Variants in GAS7 observed in about 807,000 individuals in gnomAD.
The protein encoded by GAS7 is growth arrest-specific protein 7.
In GAS7, 28 loss-of-function variants were observed where a neutral mutation model predicts 71.1. That is an observed-to-expected ratio of 0.39 (90% CI 0.29 to 0.54). The LOEUF (loss-of-function observed/expected upper bound fraction) is 0.54. Among genes scored for constraint, GAS7 ranks in the 20% least tolerant of loss-of-function variants. The pLI is 0.62. For synonymous variants in GAS7, 258 were observed against 245.8 expected, an observed-to-expected ratio of 1.05 and a Z score of -0.46; for missense variants, 436 against 627.8, an observed-to-expected ratio of 0.69 and a Z score of 3.27.
intron 5 of GAS7, among the ~76,000 whole-genome samples, chr17:9,947,433 G>A (rs2152099271): frequency 6.6e-6 from 1 of 152,312 alleles, no homozygotes. Context: ...AGGACATGGT[G>A]ATGAAGTTCT....
In GAS7 at chr17:10,194,858, C is replaced by CAAA. The variant is rs5819269; in HGVS notation, c.183+3347_183+3349dup. Among the ~76,000 whole-genome samples the CAAA allele has an allele frequency of 6.6e-3, 563 of 84,948 alleles. 12 individuals are homozygous for CAAA. Among genetic ancestry groups the CAAA allele is most frequent in the African/African-American group, 0.018 (454 of 25,616 alleles). The allele number at this position is 84,948 out of a possible 152,430, so 55.7% of individuals were successfully genotyped here. A position where few individuals can be genotyped will look rare whatever the true frequency, so the allele number is the denominator to read the frequency against. Reference sequence around the variant, plus strand: ...TGAGCAACAGTGCGAGACTCTGTCTCAAAAAAAAAAAAAAAAAAAAAAAAA... The same window carrying CAAA: ...TGAGCAACAGTGCGAGACTCTGTCTCAAAAAAAAAAAAAAAAAAAAAAAAAAAA... On this transcript the variant is annotated intron_variant, in intron 1 of 13. Coordinates refer to ENST00000432992, the MANE Select transcript of GAS7 (RefSeq NM_201433.2).
chr17:10,036,589 G>A lies in GAS7; in HGVS notation c.184-16692C>T, dbSNP rs912190844. The stretch of plus-strand genomic sequence containing the variant: ...GGGCTGAGGCAAGTCGCTAGCCCAG[G>A]GCCAGTGTTCTGGGCACCCCAGCGG... On this transcript the variant is annotated intron_variant, in intron 1 of 13. Transcript: ENST00000432992. The A allele has an allele frequency of 1.7e-5, 25 of 1,501,722 alleles. No homozygotes were observed. The East Asian group carries it at 6.0e-4, about 36-fold the overall frequency. The allele number at this position is 1,501,722 out of a possible 1,614,324, so 93.0% of individuals were successfully genotyped here.
chr17:9,926,743 CA>C lies in GAS7; in HGVS notation c.911del (p.Leu304ArgfsTer2). Reference protein sequence around the residue: ...AKLHSEVEKPLMNFRENFKKD... With the variant: ...AKLHSEVEKPXMNFRENFKKD... ...TCTTGAAGTTCTCACGGAAGTTCAT[CA>C]GGGGCTTCTCCACCTCGCTGTGAAG... On this transcript the variant is annotated frameshift_variant, in exon 10 of 14. Transcript: ENST00000432992. LOFTEE classifies it high-confidence loss of function. The surrounding 1 kb of genome is among the most constrained non-coding windows in gnomAD (Gnocchi z 5.0). 6.2e-7 allele frequency: 1 copy of C among 1,614,078 alleles called. No individual in the cohort carries two copies. Among genetic ancestry groups the C allele is most frequent in the Non-Finnish European group, 8.5e-7 (1 of 1,179,952 alleles).
At chr17:9,950,036 G>A (rs1214483271) in intron 5 of GAS7, among the ~76,000 whole-genome samples, 2 of 152,058 alleles carry the variant, frequency 1.3e-5, no homozygotes, top group East Asian at 3.9e-4. Flanking sequence ...GCTAGTTTTT[G>A]TATTTTTAGC....
At chr17:10,020,160 A>G (rs1273623179) in intron 1 of GAS7, 1 of 372,916 alleles carries the variant, frequency 2.7e-6, no homozygotes, top group Non-Finnish European at 5.0e-6. Context: ...CATTCAGCTA[A>G]TGGAGCTAGA....
At chr17:9,960,506 T>C (rs752509521) in intron 4 of GAS7, among the ~76,000 whole-genome samples, 2 of 152,156 alleles carry the variant, frequency 1.3e-5, no homozygotes, top group Non-Finnish European at 2.9e-5. Flanking sequence ...TACTCTTCCT[T>C]GGTAGAATGT....
chr17:10,116,027 T>G (rs2073858170), intron 1 of GAS7, among the ~76,000 whole-genome samples: 2 of 152,156 alleles, frequency 1.3e-5, no homozygotes. Flanking sequence ...TGAGGTTGGG[T>G]TGGCCGGCCA....
chr17:9,917,907 C>G, intron 13 of GAS7, 94 bp downstream of exon 13: 1 of 861,008 alleles, frequency 1.2e-6, no homozygotes, highest in Non-Finnish European at 1.8e-6. Context: ...GGCAGATTCA[C>G]TTGCAGCAGC....
rs1212786987 is a variant in GAS7, at chr17:9,910,833, T to A, written c.*6395A>T. On this transcript the variant is annotated 3_prime_UTR_variant, in exon 14 of 14. Transcript: ENST00000432992. ...ATTACATCAATTTTATTTACTGATC[T>A]AGGCAGCCAGAGGGTGGAAGGATAT... 1 of 228,138 alleles carries A rather than the reference T, an allele frequency of 4.4e-6. No homozygotes were observed. Among genetic ancestry groups the A allele is most frequent in the Non-Finnish European group, 8.7e-6 (1 of 114,766 alleles). The allele number at this position is 228,138 out of a possible 1,614,324, so 14.1% of individuals were successfully genotyped here.
intron 2 of GAS7, among the ~76,000 whole-genome samples, chr17:10,007,040 T>C (rs2071564085): frequency 6.6e-6 from 1 of 152,246 alleles, no homozygotes; most frequent in African/African-American, 2.4e-5. Context: ...ATTAAATTTC[T>C]ATAAGAGGAA....
chr17:9,918,956 G>A (rs918363872), intron 12 of GAS7, among the ~76,000 whole-genome samples: 1 of 152,160 alleles, frequency 6.6e-6, no homozygotes, highest in Non-Finnish European at 1.5e-5. Flanking sequence ...CCTGGGGAAG[G>A]CAGCTGGTTA....
rs2067715281 is a variant in GAS7, at chr17:9,919,489, A to G, written c.1218+137T>C. ...TAAGCTGGCTCACATTGAGGTTTCG[A>G]CCCCAACACTGAAGTAGATTTGATG... On this transcript the variant is annotated intron_variant, in intron 12 of 13. Transcript: ENST00000432992. The surrounding 1 kb of genome is among the most constrained non-coding windows in gnomAD (Gnocchi z 5.0). 1.3e-6 allele frequency: 1 copy of G among 741,482 alleles called. No individual in the cohort carries two copies. Among genetic ancestry groups the G allele is most frequent in the Non-Finnish European group, 2.5e-6 (1 of 405,574 alleles). The allele number at this position is 741,482 out of a possible 1,614,324, so 45.9% of individuals were successfully genotyped here. A position where few individuals can be genotyped will look rare whatever the true frequency, so the allele number is the denominator to read the frequency against.
At chr17:10,024,154 A>C (rs1487676248) in intron 1 of GAS7, among the ~76,000 whole-genome samples, 1 of 152,026 alleles carries the variant, frequency 6.6e-6, no homozygotes, top group Non-Finnish European at 1.5e-5. Flanking sequence ...AAAATAAAAA[A>C]ACTTTTTTCT....
intron 3 of GAS7, among the ~76,000 whole-genome samples, chr17:9,973,510 T>A (rs2070058337): frequency 6.6e-6 from 1 of 152,166 alleles, no homozygotes; most frequent in African/African-American, 2.4e-5. Context: ...AGCCTCAGCC[T>A]CCCAAAGTGC....
Position 9,912,137 on chromosome 17 carries a change from G to T in GAS7, c.*5091C>A. ...GTCATTACTTGCACTGTCTTTGGGG[G>T]GTCCTAGGAGAAACTACCTCATTCT... On this transcript the variant is annotated 3_prime_UTR_variant, in exon 14 of 14. Coordinates refer to ENST00000432992, the MANE Select transcript of GAS7 (RefSeq NM_201433.2). 1 of 232,242 alleles carries T rather than the reference G, an allele frequency of 4.3e-6. No individual in the cohort carries two copies. The highest frequency in any genetic ancestry group is 8.5e-6 in the Non-Finnish European group (1 of 117,416). The allele number at this position is 232,242 out of a possible 1,614,324, so 14.4% of individuals were successfully genotyped here. A position where few individuals can be genotyped will look rare whatever the true frequency, so the allele number is the denominator to read the frequency against.
chr17:9,980,375 A>G (rs2070367986), intron 3 of GAS7, among the ~76,000 whole-genome samples: 1 of 152,228 alleles, frequency 6.6e-6, no homozygotes, highest in South Asian at 2.1e-4. Context: ...CCAGTATTCC[A>G]GAGTCCTGTG....
Position 9,910,837 on chromosome 17 carries a change from C to T in GAS7, c.*6391G>A. The T allele has an allele frequency of 4.4e-6, 1 of 228,344 alleles. No homozygotes were observed. Among genetic ancestry groups the T allele is most frequent in the Non-Finnish European group, 8.7e-6 (1 of 114,812 alleles). The allele number at this position is 228,344 out of a possible 1,614,324, so 14.1% of individuals were successfully genotyped here. Reference sequence around the variant, plus strand: ...CATCAATTTTATTTACTGATCTAGGCAGCCAGAGGGTGGAAGGATATACAA... The same window carrying T: ...CATCAATTTTATTTACTGATCTAGGTAGCCAGAGGGTGGAAGGATATACAA... On this transcript the variant is annotated 3_prime_UTR_variant, in exon 14 of 14. Transcript: ENST00000432992.
intron 1 of GAS7, among the ~76,000 whole-genome samples, chr17:10,190,727 G>C (rs1452194803): frequency 6.6e-6 from 1 of 152,064 alleles, no homozygotes; most frequent in Non-Finnish European, 1.5e-5. Context: ...CTAAAGTTTA[G>C]AGCAGGGGTG....
chr17:10,084,718 C>T (rs2073498175), intron 1 of GAS7, among the ~76,000 whole-genome samples: 2 of 152,192 alleles, frequency 1.3e-5, no homozygotes, highest in Non-Finnish European at 1.5e-5. Context: ...CCACGTGCCT[C>T]GGCCTCCCAA....
Sources: gnomAD v4.1 joint callset for allele counts (sites outside exome capture counted in the v4.1 genomes callset) on GRCh38, gnomAD v4.1.1 for gene constraint, Gnocchi (gnomAD v3.1) non-coding constraint, MANE v1.5 for transcripts, NCBI Gene and HGNC (gene_info 2026-07-23, HGNC 2026-07-21) for gene names.